The following FCRL5 variants were observed in gnomAD, a reference collection of about 807,000 sequenced individuals.
FCRL5 encodes the protein Fc receptor-like protein 5.
In FCRL5, 79 loss-of-function variants were observed where a neutral mutation model predicts 92.1. The observed-to-expected ratio is 0.86, with a 90% CI of 0.72 to 1.03. The LOEUF is 1.03. Ranked by LOEUF, FCRL5 falls within the 50% of genes least tolerant of loss-of-function variation. The probability of loss-of-function intolerance (pLI) is 0.00; values close to 1 mark genes in which losing one functional copy is unlikely to be tolerated. For missense variants in FCRL5, 1,160 were observed against 1,181.1 expected (o/e 0.98, Z 0.26); for synonymous variants, 466 against 469.3 (o/e 0.99, Z 0.09).
intron 8 of FCRL5, 146 bp from the exon 9 acceptor site, chr1:157,528,041 A>C (rs1402394446): frequency 2.1e-6 from 2 of 930,314 alleles, no homozygotes; most frequent in Non-Finnish European, 3.1e-6. Flanking sequence ...CTGTTCACTG[A>C]TGACATGATT....
intron 10 of FCRL5, chr1:157,521,893 A>G (rs2101599353): frequency 6.6e-6 from 1 of 152,294 alleles, no homozygotes; most frequent in South Asian, 2.1e-4. Context: ...TCCTTTAGGG[A>G]TACTGACATA....
intron 4 of FCRL5, 84 bp from the exon 5 acceptor site, chr1:157,544,630 CA>C: frequency 6.6e-7 from 1 of 1,510,450 alleles, no homozygotes; most frequent in Non-Finnish European, 9.1e-7. Flanking sequence ...GCAGCACATC[CA>C]AAAGCAGGCA....
In FCRL5 at chr1:157,539,333, G is replaced by A. The variant is rs375452954; in HGVS notation, c.1155C>T (p.Ser385=). 11 of 1,613,780 alleles carry A rather than the reference G, an allele frequency of 6.8e-6. No homozygotes were observed. The highest frequency in any genetic ancestry group is 9.3e-6 in the Non-Finnish European group (11 of 1,179,882). ...VPVSHPVLNL[S]SPEDLIFEGA... ...CCTCAAAAATCAGGTCCTCAGGAGAGCTGAGGTTGAGGACAGGATGAGACA... is the reference window on the plus strand; with the variant it reads ...CCTCAAAAATCAGGTCCTCAGGAGAACTGAGGTTGAGGACAGGATGAGACA... Residue 385 remains serine, a synonymous_variant, in exon 7 of 17, where the codon AGC becomes AGT. Coordinates refer to ENST00000361835, the MANE Select transcript of FCRL5 (RefSeq NM_031281.3).
Position 157,544,255 on chromosome 1 carries a change from C to T in FCRL5, c.844+7G>A, listed in dbSNP as rs1387175957. 4 of 1,613,370 alleles carry T rather than the reference C, an allele frequency of 2.5e-6. No homozygotes were observed. Among genetic ancestry groups the T allele is most frequent in the Non-Finnish European group, 3.4e-6 (4 of 1,179,298 alleles). On this transcript the variant is annotated splice_region_variant and intron_variant, in intron 5 of 16. Transcript: ENST00000361835. Reference sequence around the variant, plus strand: ...TGCAGCAAATCTCAGGTTCCACCAACACTTACTCTGCACCTGTATCCAGGA... The same window carrying T: ...TGCAGCAAATCTCAGGTTCCACCAATACTTACTCTGCACCTGTATCCAGGA...
intron 1 of FCRL5, among the ~76,000 whole-genome samples, chr1:157,550,824 G>T (rs1474841869): frequency 2.6e-5 from 4 of 152,190 alleles, no homozygotes; most frequent in African/African-American, 9.6e-5. Flanking sequence ...AAACTGGCAG[G>T]TTTATCAATT....
rs1162059565 is a variant in FCRL5, at chr1:157,552,372, G to C, written c.-10C>G. ...TCACCCACAGCAGCATGAAGACCTG[G>C]ACCACCAAGGGCTGAGATCAAAAGA... On this transcript the variant is annotated 5_prime_UTR_variant, in exon 1 of 17. Coordinates refer to ENST00000361835, the MANE Select transcript of FCRL5 (RefSeq NM_031281.3). 4 of 1,613,902 alleles carry C rather than the reference G, an allele frequency of 2.5e-6. No individual in the cohort carries two copies. The highest frequency in any genetic ancestry group is 2.7e-5 in the African/African-American group (2 of 74,916).
chr1:157,520,753 G>A (rs1650142861), intron 11 of FCRL5, among the ~76,000 whole-genome samples: 1 of 152,234 alleles, frequency 6.6e-6, no homozygotes, highest in Non-Finnish European at 1.5e-5. Flanking sequence ...GGGTCAGGGT[G>A]GCCGGTGGCC....
intron 12 of FCRL5, among the ~76,000 whole-genome samples, chr1:157,520,054 T>C (rs1411686705): frequency 6.6e-6 from 1 of 152,184 alleles, no homozygotes. Flanking sequence ...ACTATAAAAA[T>C]AGTGTACATT....
At chr1:157,534,935 T>C in intron 7 of FCRL5, 43 bp from the exon 8 acceptor site, 4 of 1,508,584 alleles carry the variant, frequency 2.7e-6, no homozygotes, top group African/African-American at 2.8e-5. Context: ...TTTTGCCTCT[T>C]ACTGTAGATT....
Position 157,547,212 on chromosome 1 carries a change from GA to G in FCRL5, c.53-16del. 2.5e-6 allele frequency: 4 copies of G among 1,612,844 alleles called. No homozygotes were observed. Among genetic ancestry groups the G allele is most frequent in the Non-Finnish European group, 3.4e-6 (4 of 1,179,616 alleles). ...GGGTGTCCTTGCTGAAGAGGAAAGA[GA>G]AAAGGAGTCTGAGGTGGAGGCGCCT... On this transcript the variant is annotated splice_polypyrimidine_tract_variant and intron_variant, in intron 2 of 16. Coordinates refer to ENST00000361835, the MANE Select transcript of FCRL5 (RefSeq NM_031281.3).
At chr1:157,528,993 C>G (rs2101613174) in intron 8 of FCRL5, among the ~76,000 whole-genome samples, 1 of 152,232 alleles carries the variant, frequency 6.6e-6, no homozygotes, top group African/African-American at 2.4e-5. Flanking sequence ...TTCTGCACAG[C>G]AAAAGAAATA....
At chr1:157,526,942 G>C (rs1218410543) in intron 9 of FCRL5, among the ~76,000 whole-genome samples, 1 of 152,148 alleles carries the variant, frequency 6.6e-6, no homozygotes, top group Non-Finnish European at 1.5e-5. Context: ...ATGGTGTTAA[G>C]GGGATTATAC....
At chr1:157,546,403 A>G in intron 3 of FCRL5, 2 of 332,598 alleles carry the variant, frequency 6.0e-6, no homozygotes, top group South Asian at 2.3e-5. Context: ...AGCCGAGATA[A>G]CGCCACTGCA....
At chr1:157,549,656 C>T (rs542784012) in intron 1 of FCRL5, 76 bp from the exon 2 acceptor site, 61 of 1,361,980 alleles carry the variant, frequency 4.5e-5, no homozygotes, top group Non-Finnish European at 4.2e-5. Flanking sequence ...CCCTTTTTTA[C>T]CCATGCATGT....
chr1:157,521,313 A>G (rs1205554345), intron 10 of FCRL5, 21 bp from the exon 11 acceptor site: 1 of 1,577,468 alleles, frequency 6.3e-7, no homozygotes, highest in Non-Finnish European at 8.6e-7. Flanking sequence ...ACAAAAAGTC[A>G]ACAGCAGTTT....
intron 1 of FCRL5, 42 bp downstream of exon 1, chr1:157,552,290 T>G: frequency 6.2e-7 from 1 of 1,607,082 alleles, no homozygotes; most frequent in Non-Finnish European, 8.5e-7. Flanking sequence ...AGAGAAGCTG[T>G]CCCGATCCCA....
chr1:157,545,315 G>A (rs1033861517), intron 3 of FCRL5, among the ~76,000 whole-genome samples: 1 of 152,064 alleles, frequency 6.6e-6, no homozygotes, highest in Non-Finnish European at 1.5e-5. Context: ...TTTGGCATAT[G>A]TTTTTCCAGT....
At chr1:157,532,131 C>T (rs1650723567) in intron 8 of FCRL5, 2 of 152,084 alleles carry the variant, frequency 1.3e-5, no homozygotes, top group African/African-American at 2.4e-5. Flanking sequence ...AAAGGTTGAA[C>T]CAATTTACGC....
In FCRL5 at chr1:157,524,557, A is replaced by G; in HGVS notation, c.1961T>C (p.Val654Ala). ...GGTGAGGATGGGACGAGATACTGGA[A>G]CTGAGGGAGGAAAAACGTTATGTAT... ...HSDTISLSVIVPVSRPILTFR... is the reference protein window; with the variant it reads ...HSDTISLSVIAPVSRPILTFR... Residue 654 changes from valine (V) to alanine (A), a missense_variant and splice_region_variant, in exon 10 of 17, where the codon GTT (valine) becomes GCT (alanine). Coordinates refer to ENST00000361835, the MANE Select transcript of FCRL5 (RefSeq NM_031281.3). 1 of 1,576,612 alleles carries G rather than the reference A, an allele frequency of 6.3e-7. No individual in the cohort carries two copies. Among genetic ancestry groups the G allele is most frequent in the Middle Eastern group, 1.7e-4 (1 of 5,892 alleles).
Sources: gnomAD v4.1 joint callset for allele counts (sites outside exome capture counted in the v4.1 genomes callset) on GRCh38, gnomAD v4.1.1 for gene constraint, MANE v1.5 for transcripts, NCBI Gene and HGNC (gene_info 2026-07-23, HGNC 2026-07-21) for gene names.